Variants in AGBL5 observed in about 807,000 individuals in gnomAD.
The protein encoded by AGBL5 is AGBL carboxypeptidase 5, also known as cytosolic carboxypeptidase-like protein 5.
Under a neutral mutation model 88.0 loss-of-function variants are expected in AGBL5, and 51 were observed. That is an observed-to-expected ratio of 0.58 (90% confidence interval 0.46 to 0.73). The LOEUF (loss-of-function observed/expected upper bound fraction) is 0.73, where lower values mean the gene tolerates loss of function less well. Among genes scored for constraint, AGBL5 ranks in the 30% least tolerant of loss-of-function variants. AGBL5 has a pLI of 0.00. For synonymous variants in AGBL5, 446 were observed against 438.8 expected, an observed-to-expected ratio of 1.02 and a Z score of -0.21; for missense variants, 1,031 against 1,162.2, an observed-to-expected ratio of 0.89 and a Z score of 1.64.
At position 27,055,126 on chromosome 2, in the gene AGBL5, G is replaced by T; in HGVS notation, c.781G>T (p.Val261Phe). 6.2e-7 allele frequency: 1 copy of T among 1,614,202 alleles called. No individual in the cohort carries two copies. Among genetic ancestry groups the T allele is most frequent in the Non-Finnish European group, 8.5e-7 (1 of 1,180,040 alleles). The change falls in exon 6 of 15, where the codon GTC becomes TTC. Residue 261 changes from valine to phenylalanine, a missense_variant. Val to Phe is a conservative substitution (Grantham distance 50). Coordinates refer to ENST00000360131, the MANE Select transcript of AGBL5 (RefSeq NM_021831.6). Reference protein sequence around the residue: ...VHPGETPSSFVFNGFLDFILR... With the variant: ...VHPGETPSSFFFNGFLDFILR... ...CCCAGGGGAGACTCCATCTAGCTTT[G>T]TCTTCAATGGCTTTCTGGACTTCAT...
chr2:27,051,147 T>G (rs963603477), upstream of AGBL5: 1 of 152,264 alleles, frequency 6.6e-6, no homozygotes, highest in Admixed American at 6.5e-5. Context: ...TGAACTGTGG[T>G]TGATCCACTG....
chr2:27,058,358 T>C lies in AGBL5; in HGVS notation c.1672-42T>C, dbSNP rs750830010. The C allele has an allele frequency of 3.7e-6, 6 of 1,608,634 alleles. No individual in the cohort carries two copies. In the African/African-American group the frequency reaches 6.7e-5, roughly 18 times the overall value. On this transcript the variant is annotated intron_variant, in intron 9 of 14. Transcript: ENST00000360131. ...ACCCACCCCAAGGTAGCAGCCTGGA[T>C]GGGAGGACCAGCATGCTGAGCCAAA...
At chr2:27,051,309 C>CT (rs1668126396), upstream of AGBL5, 1 of 152,216 alleles carries the variant, frequency 6.6e-6, no homozygotes, top group Admixed American at 6.5e-5. Context: ...GTCCGTCACA[C>CT]TACAGAACAC....
chr2:27,063,419 C>T (rs540449012), intron 11 of AGBL5, among the ~76,000 whole-genome samples: 55 of 152,218 alleles, frequency 3.6e-4, no homozygotes, highest in African/African-American at 1.3e-3. Flanking sequence ...CATGGTGAAA[C>T]CCCATCTCTA....
intron 1 of AGBL5, chr2:27,052,228 G>C (rs1668193786): frequency 6.6e-6 from 1 of 152,462 alleles, no homozygotes; most frequent in Admixed American, 6.5e-5. Context: ...GAGGGGGATG[G>C]AAACAGACCC....
At chr2:27,051,026 A>G (rs1482057323), upstream of AGBL5, 2 of 152,272 alleles carry the variant, frequency 1.3e-5, no homozygotes, top group Non-Finnish European at 2.9e-5. Flanking sequence ...TTCAATGTAC[A>G]TGTGGTAACG....
At chr2:27,065,036 G>C (rs1287388420) in intron 11 of AGBL5, among the ~76,000 whole-genome samples, 1 of 152,132 alleles carries the variant, frequency 6.6e-6, no homozygotes, top group African/African-American at 2.4e-5. Context: ...TTACAGGTGT[G>C]AGCCACCGTG....
Position 27,054,047 on chromosome 2 carries a change from C to G in AGBL5, c.539C>G (p.Pro180Arg). 1.2e-6 allele frequency: 2 copies of G among 1,612,610 alleles called. No individual in the cohort carries two copies. Among genetic ancestry groups the G allele is most frequent in the Non-Finnish European group, 1.7e-6 (2 of 1,179,012 alleles). The change falls in exon 4 of 15, where the codon CCT (proline) becomes CGT (arginine). Residue 180 changes from proline (P) to arginine (R), a missense_variant. Pro to Arg is a moderately radical substitution (Grantham distance 103). Coordinates refer to ENST00000360131, the MANE Select transcript of AGBL5 (RefSeq NM_021831.6). ...GACCAGCGCTTTCCGGAGAACCACC[C>G]TACCCATAGCAGGTGCCAGCCCCAT... is the stretch of plus-strand genomic sequence containing the variant. ...QLDQRFPENH[P>R]THSSPLDTIY...
intron 11 of AGBL5, chr2:27,062,694 C>T (rs931126086): frequency 2.6e-5 from 4 of 152,154 alleles, no homozygotes; most frequent in Non-Finnish European, 5.9e-5. Flanking sequence ...GGTGGATAAA[C>T]ACAAGAGTAA....
chr2:27,068,829 C>A, intron 13 of AGBL5, 85 bp downstream of exon 13: 3 of 1,567,382 alleles, frequency 1.9e-6, no homozygotes, highest in Non-Finnish European at 8.6e-7. Context: ...GGAAAATGCT[C>A]AGCACTGCTT....
chr2:27,053,241 T>A lies in AGBL5; in HGVS notation c.215+68T>A. The A allele has an allele frequency of 2.0e-6, 3 of 1,529,350 alleles. No homozygotes were observed. The highest frequency in any genetic ancestry group is 2.7e-6 in the Non-Finnish European group (3 of 1,129,366). 94.7% of individuals were successfully genotyped at this position (1,529,350 alleles called of 1,614,324 possible). ...ATGCTTCAGTTAGCCCTCTGACTTA[T>A]CTGTTCATACCCAGCATACTCCCTG... On this transcript the variant is annotated intron_variant, in intron 2 of 14. Transcript: ENST00000360131. This position sits in a 1 kb window ranked among gnomAD's most constrained non-coding sequence, Gnocchi z 4.9.
At chr2:27,060,236 A>C (rs1668647891) in intron 11 of AGBL5, among the ~76,000 whole-genome samples, 1 of 152,244 alleles carries the variant, frequency 6.6e-6, no homozygotes, top group Non-Finnish European at 1.5e-5. Flanking sequence ...TTCTAGGTAT[A>C]AAATGCAGCA....
intron 11 of AGBL5, among the ~76,000 whole-genome samples, chr2:27,065,888 CCTA>C (rs1287377968): frequency 3.9e-5 from 6 of 152,176 alleles, no homozygotes; most frequent in African/African-American, 1.4e-4. Context: ...AAATCAGCAT[CCTA>C]CTAAGGATTT....
At position 27,053,947 on chromosome 2, in the gene AGBL5, C is replaced by G. The variant is rs144135243; in HGVS notation, c.439C>G (p.Arg147Gly). 2 of 1,613,972 alleles carry G rather than the reference C, an allele frequency of 1.2e-6. No individual in the cohort carries two copies. The highest frequency in any genetic ancestry group is 1.7e-6 in the Non-Finnish European group (2 of 1,180,020). The change falls in exon 4 of 15, where the codon CGT becomes GGT. Residue 147 changes from arginine (R) to glycine (G), a missense_variant. Physicochemically the swap from Arg to Gly is moderately radical, Grantham distance 125. This residue lies in a region of AGBL5 where 540 missense variants were observed against 678.2 expected (regional missense o/e 0.80). Coordinates refer to ENST00000360131, the MANE Select transcript of AGBL5 (RefSeq NM_021831.6). This position sits in a 1 kb window ranked among gnomAD's most constrained non-coding sequence, Gnocchi z 4.9. ...LSFVHRFVEG[R>G]GATTFFAFCY... ...CTTTGTTCATCGTTTCGTGGAGGGCCGTGGGGCCACCACCTTCTTCGCCTT... is the reference window on the plus strand; with the variant it reads ...CTTTGTTCATCGTTTCGTGGAGGGCGGTGGGGCCACCACCTTCTTCGCCTT...
chr2:27,050,764 C>T (rs1386840238), upstream of AGBL5, among the ~76,000 whole-genome samples: 2 of 151,984 alleles, frequency 1.3e-5, no homozygotes, highest in Admixed American at 1.3e-4. Context: ...CTATCAGCAG[C>T]ATCTTATCGC....
chr2:27,068,191 C>T (rs912816774), intron 12 of AGBL5, among the ~76,000 whole-genome samples: 3 of 152,238 alleles, frequency 2.0e-5, no homozygotes, highest in Admixed American at 6.5e-5. Context: ...CAACTCTCCT[C>T]AATGGGTAGC....
At chr2:27,068,834 C>A in intron 13 of AGBL5, 90 bp downstream of exon 13, 1 of 1,554,668 alleles carries the variant, frequency 6.4e-7, no homozygotes, top group Non-Finnish European at 8.7e-7. Flanking sequence ...ATGCTCAGCA[C>A]TGCTTTACTG....
chr2:27,064,669 A>G (rs556387447), intron 11 of AGBL5, among the ~76,000 whole-genome samples: 2 of 144,930 alleles, frequency 1.4e-5, no homozygotes, highest in East Asian at 4.1e-4. Context: ...CCATCCTGAG[A>G]TCTCTCCCTT....
Position 27,069,626 on chromosome 2 carries a change from C to T in AGBL5, c.2409C>T (p.Gly803=), listed in dbSNP as rs1411225373. The change falls in exon 14 of 15, where the codon GGC becomes GGT. Residue 803 remains glycine, a synonymous_variant. Coordinates refer to ENST00000360131, the MANE Select transcript of AGBL5 (RefSeq NM_021831.6). ...GSPPTRRGMK[G]SSGPTSPTPR... The stretch of plus-strand genomic sequence containing the variant: ...CGCCGACTCGCAGAGGGATGAAAGG[C>T]TCTTCAGGCCCCACATCCCCTACCC... The T allele has an allele frequency of 1.9e-6, 3 of 1,614,196 alleles. No homozygotes were observed. Among genetic ancestry groups the T allele is most frequent in the East Asian group, 2.2e-5 (1 of 44,886 alleles).
Sources: allele counts gnomAD v4.1 joint callset (sites outside exome capture counted in the v4.1 genomes callset), GRCh38; gene constraint gnomAD v4.1.1; regional missense constraint gnomAD v4.1.1; non-coding constraint Gnocchi (gnomAD v3.1); transcripts MANE v1.5; gene names NCBI Gene and HGNC (gene_info 2026-07-23, HGNC 2026-07-21).